Variants in SLAMF8 observed in about 807,000 individuals in gnomAD.
SLAMF8 encodes B lymphocyte activator macrophage expressed.
In SLAMF8, 23 loss-of-function variants were observed where a neutral mutation model predicts 29.0. That is an observed-to-expected ratio of 0.79 (90% CI 0.57 to 1.13). SLAMF8 has a LOEUF of 1.13. Among genes scored for constraint, SLAMF8 ranks in the 50% most tolerant of loss-of-function variants. The pLI, the probability that SLAMF8 is intolerant of heterozygous loss-of-function variation, is 0.00. For missense variants in SLAMF8, 381 were observed against 353.1 expected (o/e 1.08, Z -0.63); for synonymous variants, 139 against 145.6 (o/e 0.96, Z 0.32).
Position 159,833,186 on chromosome 1 carries a change from G to C in SLAMF8, c.673+5G>C. ...ATAGCTGTCATCATGAGGCAGGTATGCTAAGGGCCAGCAGTCAGTGGTTGA... is the reference window on the plus strand; with the variant it reads ...ATAGCTGTCATCATGAGGCAGGTATCCTAAGGGCCAGCAGTCAGTGGTTGA... On this transcript the variant is annotated splice_donor_5th_base_variant and intron_variant, in intron 3 of 4. Transcript: ENST00000289707. 6.2e-7 allele frequency: 1 copy of C among 1,613,916 alleles called. No individual in the cohort carries two copies. Among genetic ancestry groups the C allele is most frequent in the East Asian group, 2.2e-5 (1 of 44,890 alleles).
chr1:159,835,002 G>C, intron 4 of SLAMF8, 182 bp from the exon 5 acceptor site: 2 of 590,992 alleles, frequency 3.4e-6, no homozygotes, highest in South Asian at 4.4e-5. Flanking sequence ...TTAGATACTA[G>C]GAAGAATTTC....
chr1:159,827,907 C>G (rs1382972881), intron 1 of SLAMF8, among the ~76,000 whole-genome samples: 1 of 151,828 alleles, frequency 6.6e-6, no homozygotes, highest in East Asian at 1.9e-4. Flanking sequence ...CATCTCAGCT[C>G]ACTGTAACCT....
At chr1:159,832,416 G>C (rs1023896392) in intron 2 of SLAMF8, among the ~76,000 whole-genome samples, 2 of 152,222 alleles carry the variant, frequency 1.3e-5, no homozygotes, top group Non-Finnish European at 1.5e-5. Context: ...ACTACAAAAA[G>C]AGATAGAGTG....
intron 2 of SLAMF8, among the ~76,000 whole-genome samples, chr1:159,831,516 T>C (rs1430317296): frequency 1.3e-5 from 2 of 148,152 alleles, no homozygotes; most frequent in African/African-American, 5.0e-5. Context: ...GTGAATAACC[T>C]ACCCCACCAT....
At chr1:159,835,128 G>C in intron 4 of SLAMF8, 56 bp from the exon 5 acceptor site, 1 of 1,562,234 alleles carries the variant, frequency 6.4e-7, no homozygotes, top group Non-Finnish European at 8.7e-7. Context: ...GGCAGGCCAA[G>C]GATTCCAAGA....
chr1:159,835,291 A>G lies in SLAMF8; in HGVS notation c.*31A>G, dbSNP rs749016519. On this transcript the variant is annotated 3_prime_UTR_variant, in exon 5 of 5. Coordinates refer to ENST00000289707, the MANE Select transcript of SLAMF8 (RefSeq NM_020125.3). Reference sequence around the variant, plus strand: ...AATATGAACTGATGCCTGGACTATCAGTAACCCCACTGCACAGGCACACGA... The same window carrying G: ...AATATGAACTGATGCCTGGACTATCGGTAACCCCACTGCACAGGCACACGA... The G allele has an allele frequency of 1.2e-6, 2 of 1,608,244 alleles. No homozygotes were observed. The highest frequency in any genetic ancestry group is 1.7e-6 in the Non-Finnish European group (2 of 1,178,206).
Position 159,836,195 on chromosome 1 carries a change from A to T in SLAMF8, c.*935A>T. 1 of 985,470 alleles carries T rather than the reference A, an allele frequency of 1.0e-6. No homozygotes were observed. Among genetic ancestry groups the T allele is most frequent in the Non-Finnish European group, 1.2e-6 (1 of 829,926 alleles). 61.0% of individuals were successfully genotyped at this position (985,470 alleles called of 1,614,324 possible). On this transcript the variant is annotated 3_prime_UTR_variant, in exon 5 of 5. Coordinates refer to ENST00000289707, the MANE Select transcript of SLAMF8 (RefSeq NM_020125.3). ...AACCATAAAACGCTATGCAGAAGGA[A>T]CATTATGGAGAGAAAGGGTACTGAG... is the stretch of plus-strand genomic sequence containing the variant.
intron 2 of SLAMF8, among the ~76,000 whole-genome samples, chr1:159,831,553 G>A (rs1647489374): frequency 6.6e-6 from 1 of 151,498 alleles, no homozygotes; most frequent in African/African-American, 2.4e-5. Context: ...CCCCTCCTCT[G>A]ATCTGAGTCT....
chr1:159,835,674 A>C lies in SLAMF8; in HGVS notation c.*414A>C. 2 of 991,770 alleles carry C rather than the reference A, an allele frequency of 2.0e-6. No homozygotes were observed. The highest frequency in any genetic ancestry group is 1.2e-6 in the Non-Finnish European group (1 of 833,990). 61.4% of individuals were successfully genotyped at this position (991,770 alleles called of 1,614,324 possible). ...AGTCCTAGGCTCTAAAAGATATTAC[A>C]TATTTGAACTAATAGAGGAACTCTG... On this transcript the variant is annotated 3_prime_UTR_variant, in exon 5 of 5. Transcript: ENST00000289707.
At position 159,837,374 on chromosome 1, in the gene SLAMF8, T is replaced by G. The variant is rs550924174; in HGVS notation, c.*2114T>G. On this transcript the variant is annotated 3_prime_UTR_variant, in exon 5 of 5. Coordinates refer to ENST00000289707, the MANE Select transcript of SLAMF8 (RefSeq NM_020125.3). ...TTGTAAGTCACACCACAACAAATAT[T>G]GATTGAGGGCGCTGCATGTGCTGGG... 1 of 907,026 alleles carries G rather than the reference T, an allele frequency of 1.1e-6. No individual in the cohort carries two copies. Among genetic ancestry groups the G allele is most frequent in the East Asian group, 1.2e-4 (1 of 8,448 alleles). The allele number at this position is 907,026 out of a possible 1,614,324, so 56.2% of individuals were successfully genotyped here.
rs1313049789 is a variant in SLAMF8 at position 159,837,290 on chromosome 1, A to G, written c.*2030A>G. The G allele has an allele frequency of 1.1e-4, 111 of 985,386 alleles. No individual in the cohort carries two copies. Among genetic ancestry groups the G allele is most frequent in the Non-Finnish European group, 1.3e-4 (111 of 829,992 alleles). 61.0% of individuals were successfully genotyped at this position (985,386 alleles called of 1,614,324 possible). On this transcript the variant is annotated 3_prime_UTR_variant, in exon 5 of 5. Transcript: ENST00000289707. ...GTGGACTAATTAACCCTCCACCAAA[A>G]AAACACAAAGTGCTTCTGTGAGACC... is the stretch of plus-strand genomic sequence containing the variant.
rs1217646671 is a variant in SLAMF8 at position 159,833,143 on chromosome 1, C to T, written c.635C>T (p.Ala212Val). Residue 212 changes from alanine to valine, a missense_variant, in exon 3 of 5, where the codon GCC (alanine) becomes GTC (valine). Transcript: ENST00000289707. ...TCCAACCCTGTCAGCTGGGACTTGG[C>T]CACAGTCACGCCCTGGGATAGCTGT... ...IVSNPVSWDL[A>V]TVTPWDSCHH... 7 of 1,614,012 alleles carry T rather than the reference C, an allele frequency of 4.3e-6. No individual in the cohort carries two copies. The Admixed American group carries it at 6.7e-5, about 15-fold the overall frequency.
intron 1 of SLAMF8, among the ~76,000 whole-genome samples, chr1:159,829,136 C>T (rs144879823): frequency 5.3e-4 from 80 of 152,268 alleles, no homozygotes; most frequent in Admixed American, 3.9e-4. Flanking sequence ...TTCAAGTTGC[C>T]GTCACTTCTC....
chr1:159,832,810 G>A (rs1472965373), intron 2 of SLAMF8, 66 bp from the exon 3 acceptor site: 1 of 1,555,006 alleles, frequency 6.4e-7, no homozygotes, highest in Non-Finnish European at 8.7e-7. Flanking sequence ...GTAGATCCCA[G>A]AGCCAGAGAT....
In SLAMF8 at chr1:159,832,924, A is replaced by T. The variant is rs756007421; in HGVS notation, c.416A>T (p.Asp139Val). The change falls in exon 3 of 5, where the codon GAT (aspartate) becomes GTT (valine). Residue 139 changes from aspartate (D) to valine (V), a missense_variant. Asp to Val is a radical substitution (Grantham distance 152, BLOSUM62 -3). Coordinates refer to ENST00000289707, the MANE Select transcript of SLAMF8 (RefSeq NM_020125.3). ...VVQVFIAVER[D>V]AQPSKTCQVF... Reference sequence around the variant, plus strand: ...CAAGTGTTCATTGCTGTAGAAAGGGATGCTCAGCCCTCCAAGACCTGCCAG... The same window carrying T: ...CAAGTGTTCATTGCTGTAGAAAGGGTTGCTCAGCCCTCCAAGACCTGCCAG... 1.2e-6 allele frequency: 2 copies of T among 1,614,144 alleles called. No individual in the cohort carries two copies.
Position 159,829,998 on chromosome 1 carries a change from A to T in SLAMF8, c.173A>T (p.Glu58Val). Residue 58 changes from glutamate (E) to valine (V), a missense_variant, in exon 2 of 5, where the codon GAG becomes GTG. Coordinates refer to ENST00000289707, the MANE Select transcript of SLAMF8 (RefSeq NM_020125.3). ...AIWRSLWPSE[E>V]LLATFFRGSL... ...TGGCGATCTCTCTGGCCTTCAGAAGAGCTCCTGGCCACGTTTTTCCGAGGC... is the reference window on the plus strand; with the variant it reads ...TGGCGATCTCTCTGGCCTTCAGAAGTGCTCCTGGCCACGTTTTTCCGAGGC... The T allele has an allele frequency of 6.2e-7, 1 of 1,614,170 alleles. No individual in the cohort carries two copies.
At chr1:159,834,908 G>C (rs1419693876) in intron 4 of SLAMF8, 1 of 336,548 alleles carries the variant, frequency 3.0e-6, no homozygotes, top group African/African-American at 2.1e-5. Context: ...CATGGCTTCT[G>C]TCCAGTGATT....
chr1:159,830,936 G>C (rs908211004), intron 2 of SLAMF8, among the ~76,000 whole-genome samples: 1 of 152,146 alleles, frequency 6.6e-6, no homozygotes, highest in South Asian at 2.1e-4. Context: ...AGCTGGGTGC[G>C]ACTTCTGCTT....
intron 1 of SLAMF8, 106 bp from the exon 2 acceptor site, chr1:159,829,759 GA>G (rs1647330442): frequency 8.5e-7 from 1 of 1,180,082 alleles, no homozygotes; most frequent in Non-Finnish European, 1.2e-6. Context: ...TGAGTGGAGG[GA>G]ATGTCAGTGG....
Sources: gnomAD v4.1 joint callset for allele counts (sites outside exome capture counted in the v4.1 genomes callset) on GRCh38, gnomAD v4.1.1 for gene constraint, MANE v1.5 for transcripts, NCBI Gene and HGNC (gene_info 2026-07-23, HGNC 2026-07-21) for gene names.